Variants in SAMD4A observed in about 807,000 individuals in gnomAD.
SAMD4A encodes the protein protein Smaug homolog 1.
SAMD4A carries 33 observed loss-of-function variants against 81.3 expected under a neutral mutation model. The ratio of observed to expected loss-of-function variants is 0.41; its 90% CI spans 0.31 to 0.54. The LOEUF is 0.54. SAMD4A is among the 20% of genes least tolerant of loss of function. SAMD4A has a pLI of 0.37. For missense variants in SAMD4A, 854 were observed against 951.1 expected (o/e 0.90, Z 1.34); for synonymous variants, 389 against 382.1 (o/e 1.02, Z -0.21).
At chr14:54,724,020 G>GGAAGGAA (rs1555347569) in intron 3 of SAMD4A, among the ~76,000 whole-genome samples, 1 of 144,834 alleles carries the variant, frequency 6.9e-6, no homozygotes, top group East Asian at 2.1e-4. Context: ...AAGGAAGGAA[G>GGAAGGAA]GAAGGAAGGA....
At chr14:54,626,049 TGTGTGTGTGTGCGCGCGCGCGCGCGCGA>T (rs1369837826) in intron 2 of SAMD4A, among the ~76,000 whole-genome samples, 2 of 128,194 alleles carry the variant, frequency 1.6e-5, no homozygotes, top group Admixed American at 1.5e-4. Context: ...TGTGTGTGTG[TGTGTGTGTGTGCGCGCGCGCGCGCGCGA>T]GTGCGCACAT....
intron 3 of SAMD4A, among the ~76,000 whole-genome samples, chr14:54,726,900 A>G (rs1227656551): frequency 6.6e-6 from 1 of 152,144 alleles, no homozygotes; most frequent in Non-Finnish European, 1.5e-5. Flanking sequence ...CAGATAGTCT[A>G]TTACTCATTC....
chr14:54,574,622 G>A (rs1258887154), intron 2 of SAMD4A, among the ~76,000 whole-genome samples: 2 of 152,142 alleles, frequency 1.3e-5, no homozygotes, highest in African/African-American at 4.8e-5. Flanking sequence ...TTAAAGATAC[G>A]AAAATGGAAC....
rs148552657 is a variant in SAMD4A, at chr14:54,613,082, A to G, written c.196+44970A>G. 6.1e-3 allele frequency among the ~76,000 whole-genome samples: 931 copies of G among 151,938 alleles called. 8 individuals carry two copies. The highest frequency in any genetic ancestry group is 0.021 in the African/African-American group (873 of 41,390). ...CAGTGAGTTGAGATCACGCCACTGC[A>G]CTCCAGCCTGGTGACAGAGCGAGAC... On this transcript the variant is annotated intron_variant, in intron 2 of 12. Coordinates refer to ENST00000554335, the MANE Select transcript of SAMD4A (RefSeq NM_015589.6).
At chr14:54,605,643 G>A (rs1171937175) in intron 2 of SAMD4A, among the ~76,000 whole-genome samples, 1 of 152,000 alleles carries the variant, frequency 6.6e-6, no homozygotes, top group Admixed American at 6.6e-5. Context: ...ATGGCCAAAG[G>A]CATTGTTTTT....
At chr14:54,685,659 G>T (rs2036248730) in intron 2 of SAMD4A, 1 of 455,228 alleles carries the variant, frequency 2.2e-6, no homozygotes, top group African/African-American at 2.0e-5. Context: ...AGCTGATTGT[G>T]GCTTTAGTAA....
chr14:54,780,826 C>T (rs1344293559), intron 11 of SAMD4A, among the ~76,000 whole-genome samples: 5 of 152,112 alleles, frequency 3.3e-5, no homozygotes, highest in African/African-American at 4.8e-5. Flanking sequence ...AGAAAAGGTG[C>T]GTTCCCATGG....
At chr14:54,619,571 A>C (rs2034567399) in intron 2 of SAMD4A, among the ~76,000 whole-genome samples, 1 of 152,032 alleles carries the variant, frequency 6.6e-6, no homozygotes, top group Admixed American at 6.6e-5. Context: ...TAAACTTTTA[A>C]GTTCAGGGGT....
Position 54,599,825 on chromosome 14 carries a change from C to T in SAMD4A, c.196+31713C>T, listed in dbSNP as rs1297142665. The stretch of plus-strand genomic sequence containing the variant: ...TGTGGTGTAGTTCCCTCTGATTATT[C>T]TTCATATTACAGGTCAATCAATTGG... On this transcript the variant is annotated intron_variant, in intron 2 of 12. Coordinates refer to ENST00000554335, the MANE Select transcript of SAMD4A (RefSeq NM_015589.6). Among the ~76,000 whole-genome samples the T allele has an allele frequency of 2.0e-5, 3 of 152,182 alleles. No homozygotes were observed. The East Asian group carries it at 5.8e-4, about 29-fold the overall frequency.
rs142880771 is a variant in SAMD4A, at chr14:54,615,923, G to A, written c.196+47811G>A. Among the ~76,000 whole-genome samples the A allele has an allele frequency of 1.8e-3, 272 of 150,532 alleles. 3 individuals are homozygous for A. Among genetic ancestry groups the A allele is most frequent in the African/African-American group, 6.4e-3 (261 of 40,918 alleles). On this transcript the variant is annotated intron_variant, in intron 2 of 12. Transcript: ENST00000554335. ...AGAAGACAGATTTAATTATAAAATA[G>A]AAGTGAGTGGGAAAAATTCTCTTAT...
At chr14:54,757,425 G>GTGTGTGTGTGTGTGTGTGTTT (rs146340671) in intron 6 of SAMD4A, among the ~76,000 whole-genome samples, 1 of 136,034 alleles carries the variant, frequency 7.4e-6, no homozygotes, top group East Asian at 2.2e-4. Context: ...GTGTGTGTGT[G>GTGTGTGTGTGTGTGTGTGTTT]TGTTTTGTTT....
chr14:54,699,016 G>A (rs2036644218), intron 2 of SAMD4A, among the ~76,000 whole-genome samples: 1 of 151,866 alleles, frequency 6.6e-6, no homozygotes, highest in African/African-American at 2.4e-5. Context: ...GAGTTCCTCA[G>A]CCTCATGAAT....
At chr14:54,756,369 G>A (rs1207417105) in intron 6 of SAMD4A, among the ~76,000 whole-genome samples, 1 of 152,148 alleles carries the variant, frequency 6.6e-6, no homozygotes, top group African/African-American at 2.4e-5. Flanking sequence ...GCCACGTATA[G>A]CGTCCTGTCA....
At chr14:54,601,969 C>A (rs77730823) in intron 2 of SAMD4A, among the ~76,000 whole-genome samples, 2,706 of 152,256 alleles carry the variant, frequency 0.018, 76 homozygotes, top group African/African-American at 0.062. Context: ...AGGCATCTGG[C>A]AACCATGTTG....
intron 2 of SAMD4A, among the ~76,000 whole-genome samples, chr14:54,612,855 A>C (rs2034394560): frequency 1.3e-5 from 2 of 152,124 alleles, no homozygotes; most frequent in Non-Finnish European, 2.9e-5. Context: ...ATGGTGGCTC[A>C]CGCCTGTAAT....
chr14:54,571,604 T>C (rs2033130732), intron 2 of SAMD4A, among the ~76,000 whole-genome samples: 1 of 152,194 alleles, frequency 6.6e-6, no homozygotes, highest in African/African-American at 2.4e-5. Context: ...ATATACACTA[T>C]TTGTGTATGT....
intron 2 of SAMD4A, among the ~76,000 whole-genome samples, chr14:54,568,319 G>A (rs2033012554): frequency 6.6e-6 from 1 of 151,910 alleles, no homozygotes; most frequent in African/African-American, 2.4e-5. Context: ...GCCGCTTTGG[G>A]ATTTTGCCCA....
intron 4 of SAMD4A, among the ~76,000 whole-genome samples, chr14:54,738,317 C>T (rs543494887): frequency 2.6e-5 from 4 of 152,284 alleles, no homozygotes; most frequent in Admixed American, 6.5e-5. Context: ...CCATGACTGC[C>T]CAACCACTGG....
chr14:54,663,736 G>C (rs1471386271), intron 2 of SAMD4A, among the ~76,000 whole-genome samples: 1 of 152,108 alleles, frequency 6.6e-6, no homozygotes, highest in Non-Finnish European at 1.5e-5. Flanking sequence ...TCTTTCTTTG[G>C]TTGAACCTAG....
Sources: allele counts gnomAD v4.1 joint callset (sites outside exome capture counted in the v4.1 genomes callset), GRCh38; gene constraint gnomAD v4.1.1; transcripts MANE v1.5; gene names NCBI Gene and HGNC (gene_info 2026-07-23, HGNC 2026-07-21).